Variants in HACD2 observed in about 807,000 individuals in gnomAD.
The protein encoded by HACD2 is very-long-chain (3R)-3-hydroxyacyl-CoA dehydratase 2.
A neutral mutation model predicts 31.0 loss-of-function variants in HACD2; 15 were observed. That is an observed-to-expected ratio of 0.48 (90% CI 0.32 to 0.75). The LOEUF (loss-of-function observed/expected upper bound fraction) is 0.75, where lower values mean the gene tolerates loss of function less well. Ranked by LOEUF, HACD2 falls within the 30% of genes least tolerant of loss-of-function variation. The pLI is 0.03. For missense variants in HACD2, 283 were observed against 313.0 expected, an observed-to-expected ratio of 0.90 and a Z score of 0.72; for synonymous variants, 115 against 122.2, an observed-to-expected ratio of 0.94 and a Z score of 0.39.
At chr3:123,532,257 C>T (rs867415597) in intron 3 of HACD2, among the ~76,000 whole-genome samples, 9 of 152,216 alleles carry the variant, frequency 5.9e-5, no homozygotes, top group African/African-American at 2.2e-4. Flanking sequence ...TACTTAGACA[C>T]CTTAATTTTC....
intron 2 of HACD2, among the ~76,000 whole-genome samples, chr3:123,577,947 C>T (rs2107759700): frequency 6.6e-6 from 1 of 152,248 alleles, no homozygotes; most frequent in Non-Finnish European, 1.5e-5. Context: ...TTAATATGTT[C>T]ACAGAGTTGT....
intron 2 of HACD2, among the ~76,000 whole-genome samples, chr3:123,576,289 G>A (rs1576244538): frequency 6.6e-6 from 1 of 150,616 alleles, no homozygotes; most frequent in South Asian, 2.1e-4. Flanking sequence ...TTCTACAGAT[G>A]TTAGCTATTG....
chr3:123,542,511 A>C (rs1178716348), intron 3 of HACD2, among the ~76,000 whole-genome samples: 1 of 152,272 alleles, frequency 6.6e-6, no homozygotes, highest in Non-Finnish European at 1.5e-5. Context: ...TATGTTTTGA[A>C]TTAGTCATTA....
intron 6 of HACD2, among the ~76,000 whole-genome samples, chr3:123,499,905 C>T (rs965462102): frequency 1.3e-5 from 2 of 152,168 alleles, no homozygotes; most frequent in Non-Finnish European, 2.9e-5. Context: ...ACTGAATACA[C>T]TGATAGGCAC....
At chr3:123,509,102 T>C (rs1429626286) in intron 4 of HACD2, among the ~76,000 whole-genome samples, 1 of 152,180 alleles carries the variant, frequency 6.6e-6, no homozygotes, top group Non-Finnish European at 1.5e-5. Context: ...TCCATAGCAA[T>C]GCTATAGACT....
At chr3:123,511,349 A>C (rs1050492397) in intron 4 of HACD2, among the ~76,000 whole-genome samples, 6 of 152,172 alleles carry the variant, frequency 3.9e-5, no homozygotes, top group Non-Finnish European at 8.8e-5. Flanking sequence ...TCTCACATGC[A>C]TGTGAACACA....
chr3:123,498,837 G>A (rs939838290), intron 6 of HACD2, among the ~76,000 whole-genome samples: 1 of 152,196 alleles, frequency 6.6e-6, no homozygotes, highest in Non-Finnish European at 1.5e-5. Flanking sequence ...TCATCATGGA[G>A]GCTGCGTGTG....
intron 2 of HACD2, among the ~76,000 whole-genome samples, chr3:123,568,715 G>T (rs1378569713): frequency 6.6e-6 from 1 of 152,168 alleles, no homozygotes; most frequent in Non-Finnish European, 1.5e-5. Context: ...TTATAAGATT[G>T]ATTTAATGAC....
Position 123,494,992 on chromosome 3 carries a change from G to A in HACD2, c.683-22C>T, listed in dbSNP as rs1030584619. ...AAAACTGAAAAGAAAAGAAAAATTGGTTAAGAGGATGGTTTAAAATTGCAT... is the reference window on the plus strand; with the variant it reads ...AAAACTGAAAAGAAAAGAAAAATTGATTAAGAGGATGGTTTAAAATTGCAT... On this transcript the variant is annotated intron_variant, in intron 6 of 6. Coordinates refer to ENST00000383657, the MANE Select transcript of HACD2 (RefSeq NM_198402.5). The A allele has an allele frequency of 6.1e-6, 9 of 1,468,592 alleles. No homozygotes were observed. In the African/African-American group the frequency reaches 1.1e-4, roughly 18 times the overall value. 91.0% of individuals were successfully genotyped at this position (1,468,592 alleles called of 1,614,324 possible). A position where few individuals can be genotyped will look rare whatever the true frequency, so the allele number is the denominator to read the frequency against.
chr3:123,512,516 A>C (rs2056076607), intron 4 of HACD2, among the ~76,000 whole-genome samples: 1 of 152,180 alleles, frequency 6.6e-6, no homozygotes, highest in African/African-American at 2.4e-5. Flanking sequence ...TGGTGGGCTA[A>C]CACAGGTATG....
intron 3 of HACD2, among the ~76,000 whole-genome samples, chr3:123,552,245 C>A (rs9810253): frequency 0.34 from 51,955 of 151,984 alleles, 10,326 homozygotes; most frequent in African/African-American, 0.54. Flanking sequence ...AATCTGAAAA[C>A]GGCATTGCTT....
chr3:123,508,602 C>T (rs910158561), intron 4 of HACD2, among the ~76,000 whole-genome samples: 1 of 152,150 alleles, frequency 6.6e-6, no homozygotes, highest in Non-Finnish European at 1.5e-5. Flanking sequence ...CTGCTTACTG[C>T]GCTGGTTATT....
intron 3 of HACD2, among the ~76,000 whole-genome samples, chr3:123,566,844 A>C (rs1400216885): frequency 6.6e-6 from 1 of 152,112 alleles, no homozygotes; most frequent in African/African-American, 2.4e-5. Flanking sequence ...CCTGTCCCTA[A>C]AACAACAAAA....
At chr3:123,497,152 A>G (rs1267918183) in intron 6 of HACD2, among the ~76,000 whole-genome samples, 1 of 152,190 alleles carries the variant, frequency 6.6e-6, no homozygotes, top group African/African-American at 2.4e-5. Flanking sequence ...AATCACCTAC[A>G]TGTTCAGACT....
chr3:123,565,146 G>T (rs2056777235), intron 3 of HACD2, among the ~76,000 whole-genome samples: 1 of 152,108 alleles, frequency 6.6e-6, no homozygotes, highest in Admixed American at 6.5e-5. Flanking sequence ...TTTTCTTGGT[G>T]TGAATGAAAA....
intron 2 of HACD2, among the ~76,000 whole-genome samples, chr3:123,580,166 C>CAAA (rs60618268): frequency 8.1e-6 from 1 of 123,892 alleles, no homozygotes; most frequent in South Asian, 2.6e-4. Flanking sequence ...GGCCCTGTGT[C>CAAA]AAAAAAAAAA....
At chr3:123,522,586 G>A (rs2056230351) in intron 4 of HACD2, among the ~76,000 whole-genome samples, 1 of 151,726 alleles carries the variant, frequency 6.6e-6, no homozygotes, top group Non-Finnish European at 1.5e-5. Context: ...AAGTGAAAAT[G>A]CCACTAAGTG....
rs1559906945 is a variant in HACD2, at chr3:123,517,950, TGGGAGGCCGAGGCGGGCGGA to T, written c.381+10416_381+10435del. 7.5e-3 allele frequency among the ~76,000 whole-genome samples: 70 copies of T among 9,368 alleles called. 34 individuals carry two copies. The highest frequency in any genetic ancestry group is 0.012 in the Non-Finnish European group (52 of 4,330). 6.1% of individuals were successfully genotyped at this position (9,368 alleles called of 152,430 possible). Reference sequence around the variant, plus strand: ...GCTCACGCCTGTAATCCCAGCACTTTGGGAGGCCGAGGCGGGCGGATCACGAGGTCAGGAGATCGAGACCA... The same window carrying T: ...GCTCACGCCTGTAATCCCAGCACTTTTCACGAGGTCAGGAGATCGAGACCA... On this transcript the variant is annotated intron_variant, in intron 4 of 6. Transcript: ENST00000383657.
At chr3:123,528,287 T>A (rs1449502580) in intron 4 of HACD2, 99 bp downstream of exon 4, 4 of 765,598 alleles carry the variant, frequency 5.2e-6, no homozygotes, top group South Asian at 1.5e-5. Context: ...GACCTGGAAC[T>A]CTGACCTGGA....
Sources: gnomAD v4.1 joint callset for allele counts (sites outside exome capture counted in the v4.1 genomes callset) on GRCh38, gnomAD v4.1.1 for gene constraint, MANE v1.5 for transcripts, NCBI Gene and HGNC (gene_info 2026-07-23, HGNC 2026-07-21) for gene names.